ITGAL: variants seen among roughly 807,000 people sequenced by gnomAD.
ITGAL encodes the protein integrin alpha-L.
Under a neutral mutation model 138.4 loss-of-function variants are expected in ITGAL, and 68 were observed. The ratio of observed to expected loss-of-function variants is 0.49; its 90% CI spans 0.40 to 0.60. The LOEUF is 0.60. ITGAL is among the 20% of genes least tolerant of loss of function. The probability of loss-of-function intolerance (pLI) is 0.00; values close to 1 mark genes in which losing one functional copy is unlikely to be tolerated. For synonymous variants in ITGAL, 561 were observed against 584.3 expected (o/e 0.96, Z 0.57); for missense variants, 1,256 against 1,478.6 (o/e 0.85, Z 2.47).
intron 9 of ITGAL, among the ~76,000 whole-genome samples, chr16:30,487,725 A>G (rs2050668098): frequency 7.5e-6 from 1 of 133,002 alleles, no homozygotes; most frequent in South Asian, 2.3e-4. Context: ...TTTTTTTTCA[A>G]GACAGAGTTT....
At chr16:30,500,073 T>TTTAG (rs2050872403) in intron 17 of ITGAL, among the ~76,000 whole-genome samples, 1 of 139,434 alleles carries the variant, frequency 7.2e-6, no homozygotes, top group Non-Finnish European at 1.5e-5. Context: ...TATTTATTTA[T>TTTAG]TTATTTATTT....
Position 30,489,466 on chromosome 16 carries a change from T to C in ITGAL, c.1213+80T>C, listed in dbSNP as rs2050694332. On this transcript the variant is annotated intron_variant, in intron 11 of 30. Transcript: ENST00000356798. ...CTCAGCCTGGCTTCCAAAACAATAA[T>C]GAAAGCAGTTAAGCAACCAGCATGA... 8 of 1,439,642 alleles carry C rather than the reference T, an allele frequency of 5.6e-6. No individual in the cohort carries two copies. In the South Asian group the frequency reaches 9.6e-5, roughly 17 times the overall value. The allele number at this position is 1,439,642 out of a possible 1,614,324, so 89.2% of individuals were successfully genotyped here.
intron 25 of ITGAL, among the ~76,000 whole-genome samples, chr16:30,515,105 G>A (rs1167571685): frequency 3.3e-5 from 5 of 152,116 alleles, no homozygotes; most frequent in South Asian, 2.1e-4. Flanking sequence ...GATTACAGGC[G>A]TGAGCCACTG....
At chr16:30,516,868 C>A in intron 25 of ITGAL, 105 bp from the exon 26 acceptor site, 1 of 817,518 alleles carries the variant, frequency 1.2e-6, no homozygotes, top group South Asian at 1.4e-5. Flanking sequence ...GCCCTGGGGA[C>A]TCAGCCAATG....
chr16:30,514,421 C>T (rs1047532956), intron 25 of ITGAL, among the ~76,000 whole-genome samples: 1 of 152,124 alleles, frequency 6.6e-6, no homozygotes, highest in Non-Finnish European at 1.5e-5. Context: ...GGATTACAGG[C>T]ATGTGCCACC....
chr16:30,517,657 C>G lies in ITGAL; in HGVS notation c.2985C>G (p.Pro995=). The stretch of plus-strand genomic sequence containing the variant: ...CTGCCGCTTGTTCCTAGGAGCCTCC[C>G]GTGCCCTGCCACTATGAGGATCTGG... ...THQWSVQMEP[P]VPCHYEDLER... is the part of the protein sequence containing the mutation. The change falls in exon 27 of 31, where the codon CCC becomes CCG. Residue 995 remains proline (P), a synonymous_variant. Transcript: ENST00000356798. 1.2e-6 allele frequency: 2 copies of G among 1,613,938 alleles called. No homozygotes were observed. Among genetic ancestry groups the G allele is most frequent in the South Asian group, 2.2e-5 (2 of 91,064 alleles).
intron 21 of ITGAL, among the ~76,000 whole-genome samples, chr16:30,507,916 A>G (rs993300291): frequency 6.6e-6 from 1 of 151,528 alleles, no homozygotes; most frequent in Non-Finnish European, 1.5e-5. Flanking sequence ...TTATTTATTT[A>G]TTTATTTTCT....
At chr16:30,495,997 G>T (rs575925316) in intron 13 of ITGAL, 100 bp from the exon 14 acceptor site, 27 of 978,750 alleles carry the variant, frequency 2.8e-5, no homozygotes, top group Middle Eastern at 6.2e-4. Flanking sequence ...CCAATTCTGT[G>T]AGGGACCCCA....
Position 30,494,602 on chromosome 16 carries a change from T to C in ITGAL, c.1366-111T>C, listed in dbSNP as rs764428751. On this transcript the variant is annotated intron_variant, in intron 12 of 30. Coordinates refer to ENST00000356798, the MANE Select transcript of ITGAL (RefSeq NM_002209.3). This position sits in a 1 kb window ranked among gnomAD's most constrained non-coding sequence, Gnocchi z 4.2. ...ACATAGACTAGGGGTGGATCCAAGA[T>C]TGGAACCTGCATTTGAGGGAGTGGC... 14 of 1,352,582 alleles carry C rather than the reference T, an allele frequency of 1.0e-5. No homozygotes were observed. Among genetic ancestry groups the C allele is most frequent in the South Asian group, 1.5e-5 (1 of 65,386 alleles). 83.8% of individuals were successfully genotyped at this position (1,352,582 alleles called of 1,614,324 possible).
intron 26 of ITGAL, 119 bp from the exon 27 acceptor site, chr16:30,517,530 C>A: frequency 1.3e-6 from 1 of 795,298 alleles, no homozygotes; most frequent in Non-Finnish European, 2.2e-6. Context: ...TCAGGTCCTG[C>A]TGGACTCAGA....
At chr16:30,473,974 AC>A in intron 1 of ITGAL, 1 of 678,716 alleles carries the variant, frequency 1.5e-6, no homozygotes, top group Non-Finnish European at 2.7e-6. Flanking sequence ...GAGAGGCCAA[AC>A]GGGAAGTTGT....
At chr16:30,518,251 C>A (rs975579632) in intron 28 of ITGAL, among the ~76,000 whole-genome samples, 3 of 152,004 alleles carry the variant, frequency 2.0e-5, no homozygotes, top group African/African-American at 7.3e-5. Flanking sequence ...AGTTCTAGAC[C>A]AGCCTGGCCA....
At chr16:30,498,072 G>A (rs577145514) in intron 15 of ITGAL, among the ~76,000 whole-genome samples, 2 of 151,950 alleles carry the variant, frequency 1.3e-5, no homozygotes, top group African/African-American at 2.4e-5. Flanking sequence ...GGAGGAGCAG[G>A]GGGCTGTATA....
chr16:30,498,447 C>G (rs987029956), intron 15 of ITGAL, among the ~76,000 whole-genome samples: 5 of 151,588 alleles, frequency 3.3e-5, no homozygotes, highest in Non-Finnish European at 7.4e-5. Context: ...AAAGCTGCAA[C>G]TTTATTATGA....
chr16:30,496,504 C>T lies in ITGAL; in HGVS notation c.1770C>T (p.Asp590=), dbSNP rs370574480. 4 of 1,613,984 alleles carry T rather than the reference C, an allele frequency of 2.5e-6. No individual in the cohort carries two copies. Among genetic ancestry groups the T allele is most frequent in the South Asian group, 1.1e-5 (1 of 91,086 alleles). Residue 590 remains aspartate, a synonymous_variant, in exon 15 of 31, where the codon GAC becomes GAT. Coordinates refer to ENST00000356798, the MANE Select transcript of ITGAL (RefSeq NM_002209.3). ...GACGCTCCATCCATGGGGTGAAGGA[C>T]CTTGAAGGGGATGGCTTGGCAGATG... ...WFGRSIHGVK[D]LEGDGLADVA... is the part of the protein sequence containing the mutation.
chr16:30,508,271 T>G (rs955670795), intron 21 of ITGAL, among the ~76,000 whole-genome samples: 7 of 141,170 alleles, frequency 5.0e-5, no homozygotes, highest in Non-Finnish European at 9.1e-5. Context: ...TAAAGTGCAA[T>G]GGCGCAATCT....
At chr16:30,512,512 G>A (rs1302848924) in intron 24 of ITGAL, among the ~76,000 whole-genome samples, 4 of 150,952 alleles carry the variant, frequency 2.6e-5, no homozygotes, top group South Asian at 2.1e-4. Flanking sequence ...GCTTGAACCC[G>A]GGTGGAGGAG....
At chr16:30,520,001 G>A in intron 30 of ITGAL, 34 bp downstream of exon 30, 1 of 1,467,550 alleles carries the variant, frequency 6.8e-7, no homozygotes, top group Non-Finnish European at 9.5e-7. Flanking sequence ...GCATTGCTGA[G>A]ACAGCCAGGC....
At chr16:30,481,285 G>T in intron 6 of ITGAL, 154 bp from the exon 7 acceptor site, 1 of 597,736 alleles carries the variant, frequency 1.7e-6, no homozygotes, top group Non-Finnish European at 2.8e-6. Context: ...GGCAGAGGTT[G>T]CAGTGAGCCA....
Sources: gnomAD v4.1 joint callset for allele counts (sites outside exome capture counted in the v4.1 genomes callset) on GRCh38, gnomAD v4.1.1 for gene constraint, Gnocchi (gnomAD v3.1) non-coding constraint, MANE v1.5 for transcripts, NCBI Gene and HGNC (gene_info 2026-07-23, HGNC 2026-07-21) for gene names.